The following CSRNP3 variants were observed in gnomAD, a reference collection of about 807,000 sequenced individuals.
CSRNP3 encodes cysteine/serine-rich nuclear protein 3.
Under a neutral mutation model 48.0 loss-of-function variants are expected in CSRNP3, and 12 were observed. That is an observed-to-expected ratio of 0.25 (90% confidence interval 0.16 to 0.41). CSRNP3 has a LOEUF of 0.41. Ranked by LOEUF, CSRNP3 falls within the 10% of genes least tolerant of loss-of-function variation. The probability of loss-of-function intolerance (pLI) is 1.00; values close to 1 mark genes in which losing one functional copy is unlikely to be tolerated. For synonymous variants in CSRNP3, 263 were observed against 269.7 expected (o/e 0.98, Z 0.24); for missense variants, 580 against 724.4 (o/e 0.80, Z 2.29).
chr2:165,511,346 A>G (rs1487163978), intron 2 of CSRNP3, among the ~76,000 whole-genome samples: 1 of 152,198 alleles, frequency 6.6e-6, no homozygotes, highest in Admixed American at 6.5e-5. Context: ...TAACGATTTT[A>G]AGATGGGAGA....
rs1687559035 is a variant in CSRNP3 at position 165,682,185 on chromosome 2, T to G, written c.*2432T>G. 1 of 152,096 alleles carries G rather than the reference T, an allele frequency of 6.6e-6. No homozygotes were observed. Among genetic ancestry groups the G allele is most frequent in the African/African-American group, 2.4e-5 (1 of 41,438 alleles). The allele number at this position is 152,096 out of a possible 1,614,324, so 9.4% of individuals were successfully genotyped here. A position where few individuals can be genotyped will look rare whatever the true frequency, so the allele number is the denominator to read the frequency against. Reference sequence around the variant, plus strand: ...TCAGCTTTATTTTCCTAAGACGATATGAAGCCTACTTTTTTATTTTTGGCT... The same window carrying G: ...TCAGCTTTATTTTCCTAAGACGATAGGAAGCCTACTTTTTTATTTTTGGCT... On this transcript the variant is annotated 3_prime_UTR_variant, in exon 7 of 7. Coordinates refer to ENST00000651982, the MANE Select transcript of CSRNP3 (RefSeq NM_001172173.2).
At chr2:165,504,678 T>A (rs778210787) in intron 2 of CSRNP3, among the ~76,000 whole-genome samples, 24 of 152,100 alleles carry the variant, frequency 1.6e-4, no homozygotes, top group Non-Finnish European at 2.6e-4. Flanking sequence ...TGCTAGAGAT[T>A]GCAATTCTGA....
At chr2:165,620,899 C>T (rs1383516294) in intron 4 of CSRNP3, among the ~76,000 whole-genome samples, 3 of 152,030 alleles carry the variant, frequency 2.0e-5, no homozygotes, top group Admixed American at 2.0e-4. Context: ...CCCTGAATTA[C>T]ATTTTTATCC....
At chr2:165,618,453 AAT>A (rs1686287644) in intron 4 of CSRNP3, among the ~76,000 whole-genome samples, 2 of 152,212 alleles carry the variant, frequency 1.3e-5, no homozygotes. Context: ...CATTGTCATC[AAT>A]ATTTGCTAAT....
At chr2:165,674,785 C>T (rs1687396222) in intron 5 of CSRNP3, among the ~76,000 whole-genome samples, 1 of 149,834 alleles carries the variant, frequency 6.7e-6, no homozygotes, top group Non-Finnish European at 1.5e-5. Context: ...AATCATGGCT[C>T]ACTGCAGCCT....
intron 3 of CSRNP3, among the ~76,000 whole-genome samples, chr2:165,593,065 T>G (rs2105293370): frequency 6.6e-6 from 1 of 152,196 alleles, no homozygotes; most frequent in East Asian, 1.9e-4. Flanking sequence ...CCTCCCAAAG[T>G]GCTGGGATTA....
At chr2:165,656,395 T>C (rs1687005798) in intron 4 of CSRNP3, among the ~76,000 whole-genome samples, 1 of 152,214 alleles carries the variant, frequency 6.6e-6, no homozygotes, top group African/African-American at 2.4e-5. Flanking sequence ...TTCCTGTAAC[T>C]AATAATAAAG....
intron 3 of CSRNP3, among the ~76,000 whole-genome samples, chr2:165,530,484 A>T (rs994059776): frequency 6.6e-6 from 1 of 152,216 alleles, no homozygotes; most frequent in African/African-American, 2.4e-5. Flanking sequence ...GGATACACAA[A>T]TGAATAAAAG....
chr2:165,513,715 G>A (rs2222000), intron 2 of CSRNP3, among the ~76,000 whole-genome samples: 111,799 of 151,694 alleles, frequency 0.74, 42,061 homozygotes, highest in African/African-American at 0.89. Context: ...CTGACCTACT[G>A]AAGATACCCT....
chr2:165,580,256 A>G (rs920388408), intron 3 of CSRNP3, among the ~76,000 whole-genome samples: 2 of 152,294 alleles, frequency 1.3e-5, no homozygotes, highest in East Asian at 1.9e-4. Context: ...TTGTATGACT[A>G]TGGTGCAACT....
intron 3 of CSRNP3, among the ~76,000 whole-genome samples, chr2:165,576,594 C>T (rs1173769861): frequency 2.6e-5 from 4 of 152,048 alleles, no homozygotes; most frequent in African/African-American, 9.7e-5. Context: ...ATATGTCCTG[C>T]AGCTAATTTA....
intron 5 of CSRNP3, among the ~76,000 whole-genome samples, chr2:165,666,950 GA>G (rs1558968120): frequency 3.1e-5 from 2 of 64,772 alleles, no homozygotes; most frequent in Non-Finnish European, 8.5e-5. Context: ...AAGAAAGAGA[GA>G]GAGGAAGGAA....
At chr2:165,674,354 G>A (rs1403523835) in intron 5 of CSRNP3, among the ~76,000 whole-genome samples, 7 of 151,946 alleles carry the variant, frequency 4.6e-5, no homozygotes, top group Admixed American at 4.6e-4. Context: ...GTGTATGTTA[G>A]GCAATTATAA....
intron 4 of CSRNP3, among the ~76,000 whole-genome samples, chr2:165,632,579 A>T (rs1304931265): frequency 6.6e-6 from 1 of 152,220 alleles, no homozygotes; most frequent in Non-Finnish European, 1.5e-5. Context: ...TATCCCTGCA[A>T]TGGGACTTTA....
At chr2:165,617,453 T>A (rs1180943706) in intron 4 of CSRNP3, among the ~76,000 whole-genome samples, 1 of 152,188 alleles carries the variant, frequency 6.6e-6, no homozygotes, top group Non-Finnish European at 1.5e-5. Flanking sequence ...CGTTCCTCAG[T>A]GGCTTAGGCA....
intron 4 of CSRNP3, among the ~76,000 whole-genome samples, chr2:165,619,528 G>T (rs575897609): frequency 6.6e-6 from 1 of 152,012 alleles, no homozygotes; most frequent in Non-Finnish European, 1.5e-5. Context: ...TCAAGAAAGT[G>T]GCAGAAATCT....
intron 4 of CSRNP3, among the ~76,000 whole-genome samples, chr2:165,646,857 T>G (rs1221109578): frequency 1.3e-5 from 2 of 152,234 alleles, no homozygotes; most frequent in African/African-American, 4.8e-5. Flanking sequence ...AAAAAAGATA[T>G]AATATGAAGA....
At chr2:165,610,413 G>T (rs1573916942) in intron 4 of CSRNP3, among the ~76,000 whole-genome samples, 1 of 152,082 alleles carries the variant, frequency 6.6e-6, no homozygotes, top group South Asian at 2.1e-4. Context: ...ACAAATATTA[G>T]ACAGTCTGGG....
chr2:165,511,128 C>T (rs1684497071), intron 2 of CSRNP3, among the ~76,000 whole-genome samples: 1 of 152,158 alleles, frequency 6.6e-6, no homozygotes, highest in Non-Finnish European at 1.5e-5. Context: ...AATGACAGAA[C>T]TTACCATTGG....
Sources: gnomAD v4.1 joint callset for allele counts (sites outside exome capture counted in the v4.1 genomes callset) on GRCh38, gnomAD v4.1.1 for gene constraint, MANE v1.5 for transcripts, NCBI Gene and HGNC (gene_info 2026-07-23, HGNC 2026-07-21) for gene names.